The following ARFIP1 variants were observed in gnomAD, a reference collection of about 807,000 sequenced individuals.
ARFIP1 encodes the protein ARF interacting protein 1.
In ARFIP1, 24 loss-of-function variants were observed where a neutral mutation model predicts 42.5. The ratio of observed to expected loss-of-function variants is 0.57; its 90% CI spans 0.41 to 0.80. ARFIP1 has a LOEUF of 0.80. Among genes scored for constraint, ARFIP1 ranks in the 30% least tolerant of loss-of-function variants. The pLI, the probability that ARFIP1 is intolerant of heterozygous loss-of-function variation, is 0.00. For missense variants in ARFIP1, 354 were observed against 434.0 expected (o/e 0.82, Z 1.64); for synonymous variants, 141 against 153.7 (o/e 0.92, Z 0.61).
At chr4:152,877,083 C>A (rs527759973) in intron 5 of ARFIP1, among the ~76,000 whole-genome samples, 1 of 152,174 alleles carries the variant, frequency 6.6e-6, no homozygotes, top group African/African-American at 2.4e-5. Flanking sequence ...CAGAGCCCCC[C>A]ACACAGAGTC....
chr4:152,892,658 A>G (rs1004141443), intron 8 of ARFIP1, among the ~76,000 whole-genome samples: 2 of 152,240 alleles, frequency 1.3e-5, no homozygotes, highest in Non-Finnish European at 2.9e-5. Context: ...GAGGTAAGGT[A>G]TGTAAAATAC....
At chr4:152,908,853 T>G (rs1202857103) in intron 8 of ARFIP1, among the ~76,000 whole-genome samples, 1 of 150,268 alleles carries the variant, frequency 6.7e-6, no homozygotes, top group African/African-American at 2.5e-5. Flanking sequence ...CGAGACCAGC[T>G]CAGTTTTGGA....
intron 4 of ARFIP1, among the ~76,000 whole-genome samples, chr4:152,871,399 G>A (rs989514177): frequency 3.3e-5 from 5 of 152,030 alleles, no homozygotes; most frequent in East Asian, 1.9e-4. Flanking sequence ...GCACTTTACC[G>A]TTACTGGACT....
At chr4:152,880,917 T>C in intron 5 of ARFIP1, 46 bp from the exon 6 acceptor site, 1 of 1,473,484 alleles carries the variant, frequency 6.8e-7, no homozygotes, top group South Asian at 1.2e-5. Flanking sequence ...CATTTATATT[T>C]TGTTTTGTTT....
At chr4:152,864,912 ACTT>A (rs1245772174) in intron 3 of ARFIP1, among the ~76,000 whole-genome samples, 7 of 136,822 alleles carry the variant, frequency 5.1e-5, no homozygotes, top group African/African-American at 2.0e-4. Context: ...ACTTTTTTAA[ACTT>A]TTTTTTTTTT....
At chr4:152,857,399 C>T (rs544416954) in intron 2 of ARFIP1, among the ~76,000 whole-genome samples, 14 of 152,298 alleles carry the variant, frequency 9.2e-5, no homozygotes, top group Admixed American at 1.3e-4. Context: ...TGGCTGCTTA[C>T]ATTTATCATA....
chr4:152,820,632 C>T (rs529800873), intron 1 of ARFIP1, among the ~76,000 whole-genome samples: 1 of 152,182 alleles, frequency 6.6e-6, no homozygotes, highest in East Asian at 1.9e-4. Flanking sequence ...GGGGGAAGTG[C>T]TACACACTTT....
chr4:152,904,863 A>G (rs920353418), intron 8 of ARFIP1, among the ~76,000 whole-genome samples: 3 of 152,156 alleles, frequency 2.0e-5, no homozygotes, highest in African/African-American at 7.2e-5. Context: ...ATATGTGTGC[A>G]TGTATCTTTA....
At chr4:152,822,828 A>G (rs756094913) in intron 1 of ARFIP1, among the ~76,000 whole-genome samples, 5 of 152,246 alleles carry the variant, frequency 3.3e-5, no homozygotes, top group Non-Finnish European at 5.9e-5. Context: ...TAACAGTGAA[A>G]TGAAGATGGA....
At chr4:152,823,983 A>G (rs1228621006) in intron 1 of ARFIP1, among the ~76,000 whole-genome samples, 1 of 152,000 alleles carries the variant, frequency 6.6e-6, no homozygotes, top group South Asian at 2.1e-4. Flanking sequence ...TTAACAAAAT[A>G]TTAGCAAACT....
At chr4:152,868,920 C>G (rs1297324540) in intron 3 of ARFIP1, among the ~76,000 whole-genome samples, 1 of 152,132 alleles carries the variant, frequency 6.6e-6, no homozygotes, top group Non-Finnish European at 1.5e-5. Context: ...TAATAAGAAA[C>G]TATTTTAACT....
At position 152,804,297 on chromosome 4, in the gene ARFIP1, A is replaced by ATAATATATAACATAACATG. The variant is rs1415806464; in HGVS notation, c.-10+24073_-10+24074insATATATAACATAACATGTA. 8.7e-5 allele frequency among the ~76,000 whole-genome samples: 6 copies of ATAATATATAACATAACATG among 69,130 alleles called. 2 individuals carry two copies. The highest frequency in any genetic ancestry group is 2.7e-4 in the African/African-American group (4 of 14,616). 45.4% of individuals were successfully genotyped at this position (69,130 alleles called of 152,430 possible). A position where few individuals can be genotyped will look rare whatever the true frequency, so the allele number is the denominator to read the frequency against. ...ATATATAACATAACATGTATTATAT[A>ATAATATATAACATAACATG]TATTATATATATATAACATAACATG... On this transcript the variant is annotated intron_variant, in intron 1 of 8. Coordinates refer to ENST00000353617, the MANE Select transcript of ARFIP1 (RefSeq NM_001025595.3).
In ARFIP1 at chr4:152,904,194, A is replaced by ATTT. The variant is rs1347913995; in HGVS notation, c.967-5869_967-5868insTTT. 1.2e-3 allele frequency among the ~76,000 whole-genome samples: 115 copies of ATTT among 96,744 alleles called. 2 individuals are homozygous for ATTT. Among genetic ancestry groups the ATTT allele is most frequent in the Non-Finnish European group, 1.9e-3 (93 of 48,664 alleles). The allele number at this position is 96,744 out of a possible 152,430, so 63.5% of individuals were successfully genotyped here. A position where few individuals can be genotyped will look rare whatever the true frequency, so the allele number is the denominator to read the frequency against. Reference sequence around the variant, plus strand: ...TGTGTGTGTGTGTATATATATATATATATATTTTTTTTTTTTTAACGGAGT... The same window carrying ATTT: ...TGTGTGTGTGTGTATATATATATATATTTTATATTTTTTTTTTTTTAACGGAGT... On this transcript the variant is annotated intron_variant, in intron 8 of 8. Coordinates refer to ENST00000353617, the MANE Select transcript of ARFIP1 (RefSeq NM_001025595.3).
At chr4:152,871,950 TG>T (rs1734918933) in intron 4 of ARFIP1, among the ~76,000 whole-genome samples, 1 of 152,134 alleles carries the variant, frequency 6.6e-6, no homozygotes. Flanking sequence ...CTATTTGAAT[TG>T]AACTACTGTA....
At chr4:152,818,779 A>G (rs1730117600) in intron 1 of ARFIP1, among the ~76,000 whole-genome samples, 1 of 152,172 alleles carries the variant, frequency 6.6e-6, no homozygotes, top group Admixed American at 6.5e-5. Flanking sequence ...GGCTGCTGCT[A>G]GCAGAACACT....
At chr4:152,878,946 T>C (rs1400866146) in intron 5 of ARFIP1, among the ~76,000 whole-genome samples, 1 of 152,224 alleles carries the variant, frequency 6.6e-6, no homozygotes, top group African/African-American at 2.4e-5. Flanking sequence ...AATATGGGAA[T>C]AAGTGATGTA....
chr4:152,782,504 C>G (rs891418417), intron 1 of ARFIP1, among the ~76,000 whole-genome samples: 1 of 152,178 alleles, frequency 6.6e-6, no homozygotes, highest in African/African-American at 2.4e-5. Context: ...ATGTGCCTAT[C>G]TTTAATATGT....
At chr4:152,787,207 A>G (rs184766345) in intron 1 of ARFIP1, among the ~76,000 whole-genome samples, 1 of 152,334 alleles carries the variant, frequency 6.6e-6, no homozygotes, top group Non-Finnish European at 1.5e-5. Context: ...CAGTTCATCG[A>G]GTTTTGTAAT....
At chr4:152,857,254 G>A (rs1413028741) in intron 2 of ARFIP1, among the ~76,000 whole-genome samples, 1 of 152,182 alleles carries the variant, frequency 6.6e-6, no homozygotes, top group African/African-American at 2.4e-5. Context: ...ATTACAGTTT[G>A]AGAACATATT....
Sources: allele counts gnomAD v4.1 joint callset (sites outside exome capture counted in the v4.1 genomes callset), GRCh38; gene constraint gnomAD v4.1.1; transcripts MANE v1.5; gene names NCBI Gene and HGNC (gene_info 2026-07-23, HGNC 2026-07-21).